The following NTAQ1 variants were observed in gnomAD, a reference collection of about 807,000 sequenced individuals.
NTAQ1 encodes N-terminal glutamine amidase 1, also known as protein N-terminal glutamine amidohydrolase.
In NTAQ1, 21 loss-of-function variants were observed where a neutral mutation model predicts 28.2. The ratio of observed to expected loss-of-function variants is 0.74; its 90% confidence interval spans 0.53 to 1.07. The LOEUF is 1.07. Among genes scored for constraint, NTAQ1 ranks in the 50% least tolerant of loss-of-function variants. The pLI, the probability that NTAQ1 is intolerant of heterozygous loss-of-function variation, is 0.00. For synonymous variants in NTAQ1, 105 were observed against 90.0 expected (o/e 1.17, Z -0.94); for missense variants, 264 against 256.6 (o/e 1.03, Z -0.20).
At chr8:123,422,715 G>A (rs1301163630) in intron 1 of NTAQ1, among the ~76,000 whole-genome samples, 1 of 147,846 alleles carries the variant, frequency 6.8e-6, no homozygotes, top group African/African-American at 2.5e-5. Flanking sequence ...TGAAATCTTT[G>A]CCAGGGCCTA....
intron 1 of NTAQ1, among the ~76,000 whole-genome samples, chr8:123,425,590 A>C (rs1310525472): frequency 6.6e-6 from 1 of 151,964 alleles, no homozygotes; most frequent in Non-Finnish European, 1.5e-5. Context: ...GCCTAGTTTT[A>C]TAGAGCATTT....
At chr8:123,427,832 C>T in intron 1 of NTAQ1, 92 bp from the exon 2 acceptor site, 1 of 1,100,128 alleles carries the variant, frequency 9.1e-7, no homozygotes, top group Non-Finnish European at 1.3e-6. Flanking sequence ...AGGTCTTTTC[C>T]AACTTTTTGA....
At chr8:123,455,300 A>C (rs1313119464) in intron 6 of NTAQ1, among the ~76,000 whole-genome samples, 1 of 152,048 alleles carries the variant, frequency 6.6e-6, no homozygotes, top group Admixed American at 6.6e-5. Flanking sequence ...AAACATGGGC[A>C]CTGTCGGTGA....
chr8:123,454,234 G>A (rs942362757), intron 6 of NTAQ1, among the ~76,000 whole-genome samples: 4 of 152,348 alleles, frequency 2.6e-5, no homozygotes, highest in East Asian at 1.9e-4. Context: ...TGCTTGCTAC[G>A]TGAATCCAAA....
chr8:123,424,679 A>G (rs1813934509), intron 1 of NTAQ1, among the ~76,000 whole-genome samples: 1 of 152,192 alleles, frequency 6.6e-6, no homozygotes, highest in African/African-American at 2.4e-5. Flanking sequence ...TGCCTGGATT[A>G]CAGGCATGAA....
intron 3 of NTAQ1, chr8:123,435,558 C>CGG: frequency 1.0e-6 from 1 of 983,064 alleles, no homozygotes; most frequent in Admixed American, 6.2e-5. Context: ...TCTTTATATA[C>CGG]AGATAGCTTT....
chr8:123,430,673 C>T (rs1464398510), intron 3 of NTAQ1, among the ~76,000 whole-genome samples: 2 of 151,972 alleles, frequency 1.3e-5, no homozygotes, highest in African/African-American at 2.4e-5. Flanking sequence ...CCCAGCTACT[C>T]GGGAGGTTGA....
intron 3 of NTAQ1, among the ~76,000 whole-genome samples, chr8:123,436,198 A>G (rs1347100705): frequency 2.7e-5 from 4 of 149,258 alleles, no homozygotes; most frequent in African/African-American, 9.8e-5. Context: ...AAAGTTTCCT[A>G]GAGGTAAAAT....
intron 6 of NTAQ1, among the ~76,000 whole-genome samples, chr8:123,453,185 C>T (rs1815554199): frequency 6.6e-6 from 1 of 152,164 alleles, no homozygotes; most frequent in Non-Finnish European, 1.5e-5. Context: ...CTCCTTGGGG[C>T]CAGATGCTGA....
chr8:123,449,093 G>C (rs3824255), downstream of NTAQ1, among the ~76,000 whole-genome samples: 1 of 151,958 alleles, frequency 6.6e-6, no homozygotes. Flanking sequence ...CTGTGTCACT[G>C]GGGGCCCCAT....
rs560191609 is a variant in NTAQ1 at position 123,434,188 on chromosome 8, C to G, written c.235-2265C>G. 2.4e-4 allele frequency among the ~76,000 whole-genome samples: 37 copies of G among 152,154 alleles called. No individual in the cohort carries two copies. In the East Asian group the frequency reaches 6.6e-3, roughly 27 times the overall value. The stretch of plus-strand genomic sequence containing the variant: ...TCTCCTGCCTCTGATGTTCTCTGTT[C>G]TCCACAATATCCTGCAGCAGTTTAC... On this transcript the variant is annotated intron_variant, in intron 3 of 5. Coordinates refer to ENST00000287387, the MANE Select transcript of NTAQ1 (RefSeq NM_018024.3).
At chr8:123,462,613 A>T (rs1330619703) in intron 6 of NTAQ1, among the ~76,000 whole-genome samples, 1 of 152,176 alleles carries the variant, frequency 6.6e-6, no homozygotes, top group African/African-American at 2.4e-5. Flanking sequence ...ATCTCATTTA[A>T]TCCTCTTTGA....
At chr8:123,474,630 C>T (rs1223583509), downstream of NTAQ1, among the ~76,000 whole-genome samples, 5 of 152,120 alleles carry the variant, frequency 3.3e-5, no homozygotes, top group African/African-American at 7.2e-5. Flanking sequence ...TATTGCCAGG[C>T]GTGGTGGCGT....
At chr8:123,422,095 T>C (rs1813735397) in intron 1 of NTAQ1, among the ~76,000 whole-genome samples, 1 of 92,494 alleles carries the variant, frequency 1.1e-5, no homozygotes, top group Admixed American at 1.4e-4. Context: ...AGATTATAGA[T>C]GTGAGCCACT....
intron 6 of NTAQ1, among the ~76,000 whole-genome samples, chr8:123,456,151 G>A (rs146209618): frequency 1.2e-4 from 19 of 152,298 alleles, no homozygotes; most frequent in African/African-American, 3.1e-4. Context: ...AACCCCAGTG[G>A]TCATGACATT....
At chr8:123,455,570 G>A (rs898187257) in intron 6 of NTAQ1, among the ~76,000 whole-genome samples, 19 of 151,768 alleles carry the variant, frequency 1.3e-4, no homozygotes, top group Admixed American at 5.9e-4. Flanking sequence ...GACTACAGGC[G>A]TGTGCCACCA....
downstream of NTAQ1, among the ~76,000 whole-genome samples, chr8:123,472,142 G>A (rs1026343104): frequency 1.3e-5 from 2 of 152,142 alleles, no homozygotes; most frequent in Non-Finnish European, 2.9e-5. Flanking sequence ...CAGTGACTCA[G>A]GAGAGTTGTG....
At chr8:123,430,702 AC>A (rs1158221624) in intron 3 of NTAQ1, among the ~76,000 whole-genome samples, 1 of 152,028 alleles carries the variant, frequency 6.6e-6, no homozygotes, top group Non-Finnish European at 1.5e-5. Context: ...AATTGCTTGA[AC>A]CCGGGAGGTG....
intron 6 of NTAQ1, among the ~76,000 whole-genome samples, chr8:123,447,609 G>A (rs1025475002): frequency 6.6e-6 from 1 of 152,028 alleles, no homozygotes; most frequent in African/African-American, 2.4e-5. Flanking sequence ...AGTAGAGCCA[G>A]GATTCAAATT....
Sources: allele counts gnomAD v4.1 joint callset (sites outside exome capture counted in the v4.1 genomes callset), GRCh38; gene constraint gnomAD v4.1.1; transcripts MANE v1.5; gene names NCBI Gene and HGNC (gene_info 2026-07-23, HGNC 2026-07-21).